CEP135: variants seen among roughly 807,000 people sequenced by gnomAD.
CEP135 encodes centrosomal protein of 135 kDa.
In CEP135, 142 loss-of-function variants were observed where a neutral mutation model predicts 157.3. The ratio of observed to expected loss-of-function variants is 0.90; its 90% CI spans 0.79 to 1.04. The LOEUF (loss-of-function observed/expected upper bound fraction) is 1.04, where lower values mean the gene tolerates loss of function less well. Among genes scored for constraint, CEP135 ranks in the 50% least tolerant of loss-of-function variants. CEP135 has a pLI of 0.00. For synonymous variants in CEP135, 396 were observed against 439.8 expected, an observed-to-expected ratio of 0.90 and a Z score of 1.25; for missense variants, 1,317 against 1,309.2, an observed-to-expected ratio of 1.01 and a Z score of -0.09.
chr4:56,028,329 T>TC (rs987572355), intron 25 of CEP135, among the ~76,000 whole-genome samples: 1 of 152,164 alleles, frequency 6.6e-6, no homozygotes, highest in Non-Finnish European at 1.5e-5. Flanking sequence ...ATTTTATATT[T>TC]CCACCAGCAA....
At chr4:55,968,832 C>T (rs190576866) in intron 8 of CEP135, among the ~76,000 whole-genome samples, 6 of 152,268 alleles carry the variant, frequency 3.9e-5, no homozygotes, top group Admixed American at 3.9e-4. Flanking sequence ...ACAAGATGCT[C>T]AAGTGGCCTT....
chr4:56,020,090 C>A (rs142895982), intron 23 of CEP135, among the ~76,000 whole-genome samples: 2 of 152,018 alleles, frequency 1.3e-5, no homozygotes, highest in African/African-American at 4.8e-5. Flanking sequence ...GTTAGGAAAG[C>A]GCCTACAGTT....
intron 14 of CEP135, among the ~76,000 whole-genome samples, chr4:55,986,095 G>A (rs774514364): frequency 6.6e-6 from 1 of 152,100 alleles, no homozygotes; most frequent in Non-Finnish European, 1.5e-5. Context: ...TTCTTTATTC[G>A]TAAGTAAGAA....
intron 9 of CEP135, 81 bp from the exon 10 acceptor site, chr4:55,971,188 TG>T: frequency 9.4e-7 from 1 of 1,058,910 alleles, no homozygotes; most frequent in Non-Finnish European, 1.3e-6. Context: ...GTTATATAAA[TG>T]TGCTTATAAA....
intron 15 of CEP135, among the ~76,000 whole-genome samples, chr4:55,994,655 A>G (rs1215858050): frequency 6.7e-6 from 1 of 149,988 alleles, no homozygotes; most frequent in Non-Finnish European, 1.5e-5. Flanking sequence ...TTTTATTACC[A>G]ACAAACAGGC....
chr4:55,959,831 T>C, intron 6 of CEP135, 65 bp downstream of exon 6: 1 of 1,262,120 alleles, frequency 7.9e-7, no homozygotes, highest in Non-Finnish European at 1.2e-6. Flanking sequence ...TAAATAGAAT[T>C]GGGTTATATT....
intron 20 of CEP135, 120 bp from the exon 21 acceptor site, chr4:56,011,680 A>G: frequency 1.0e-6 from 1 of 984,384 alleles, no homozygotes; most frequent in Non-Finnish European, 1.5e-6. Flanking sequence ...GTACCTGCAC[A>G]GATATCTAAT....
chr4:56,005,391 C>T (rs570582508), intron 17 of CEP135, among the ~76,000 whole-genome samples: 1 of 152,248 alleles, frequency 6.6e-6, no homozygotes, highest in East Asian at 1.9e-4. Flanking sequence ...TACCATTACA[C>T]TTCAAGTCTG....
chr4:56,001,675 CAGTT>C (rs1231340236), intron 17 of CEP135, among the ~76,000 whole-genome samples: 2 of 152,074 alleles, frequency 1.3e-5, no homozygotes, highest in Non-Finnish European at 2.9e-5. Flanking sequence ...ATTTTGAAGT[CAGTT>C]AGTGCGATCT....
intron 1 of CEP135, among the ~76,000 whole-genome samples, chr4:55,949,369 A>G (rs1000778381): frequency 4.6e-5 from 7 of 152,170 alleles, no homozygotes; most frequent in African/African-American, 1.7e-4. Flanking sequence ...GCTGTTGACC[A>G]ATGGATAGAT....
At chr4:56,013,640 A>G (rs1730669555) in intron 21 of CEP135, among the ~76,000 whole-genome samples, 1 of 152,186 alleles carries the variant, frequency 6.6e-6, no homozygotes, top group Admixed American at 6.5e-5. Context: ...ATAATAAAAA[A>G]TTTGAGTTCA....
rs1730659406 is a variant in CEP135, at chr4:56,013,386, C to T, written c.2802+1401C>T. On this transcript the variant is annotated intron_variant, in intron 21 of 25. Transcript: ENST00000257287. The stretch of plus-strand genomic sequence containing the variant: ...AGAAGTTTTCAATTTAAATGAAGTC[C>T]AATTTTTTTTTTCCTTTGATGCCTA... Among the ~76,000 whole-genome samples, 2 of 151,908 alleles carry T rather than the reference C, an allele frequency of 1.3e-5. 1 individual carries two copies. Among genetic ancestry groups the T allele is most frequent in the South Asian group, 4.2e-4 (2 of 4,814 alleles).
rs747531563 is a variant in CEP135 at position 55,985,326 on chromosome 4, A to G, written c.1825A>G (p.Thr609Ala). The G allele has an allele frequency of 6.3e-7, 1 of 1,595,996 alleles. No homozygotes were observed. The highest frequency in any genetic ancestry group is 1.7e-5 in the Admixed American group (1 of 59,776). The change falls in exon 14 of 26, where the codon ACT becomes GCT. Residue 609 changes from threonine (T) to alanine (A), a missense_variant. Coordinates refer to ENST00000257287, the MANE Select transcript of CEP135 (RefSeq NM_025009.5). ...SLFGKSELEK[T>A]IEHLTCVNHQ... ...TTTTGGAAAATCAGAATTAGAGAAA[A>G]CTATTGAACATTTGACATGTGTTAA...
chr4:56,011,728 G>A (rs1045931042), intron 20 of CEP135, 72 bp from the exon 21 acceptor site: 1 of 1,231,260 alleles, frequency 8.1e-7, no homozygotes. Context: ...GTATGTGTAT[G>A]TGTTTATGAC....
chr4:56,023,866 TATATA>T (rs1731060629), intron 24 of CEP135, among the ~76,000 whole-genome samples: 3 of 139,702 alleles, frequency 2.1e-5, no homozygotes, highest in South Asian at 2.2e-4. Flanking sequence ...ACTTATATAT[TATATA>T]ATATATGATA....
chr4:56,030,064 A>G (rs772790978), intron 25 of CEP135, among the ~76,000 whole-genome samples: 1 of 152,322 alleles, frequency 6.6e-6, no homozygotes, highest in African/African-American at 2.4e-5. Flanking sequence ...TCTAAAAGCA[A>G]TGACACAAAC....
intron 15 of CEP135, among the ~76,000 whole-genome samples, chr4:55,995,842 C>T (rs570128675): frequency 6.6e-6 from 1 of 152,112 alleles, no homozygotes; most frequent in Admixed American, 6.6e-5. Flanking sequence ...CTCACAACTG[C>T]GAGCTATGAG....
intron 2 of CEP135, 49 bp from the exon 3 acceptor site, chr4:55,953,036 A>T: frequency 1.4e-6 from 2 of 1,396,182 alleles, no homozygotes; most frequent in Non-Finnish European, 9.5e-7. Context: ...TTTAGTTATT[A>T]GAAAGTTAAT....
At chr4:55,981,124 T>G (rs576522802) in intron 12 of CEP135, 103 bp from the exon 13 acceptor site, 34 of 988,438 alleles carry the variant, frequency 3.4e-5, no homozygotes, top group Non-Finnish European at 5.0e-5. Flanking sequence ...GACGGTAGCA[T>G]GTGTTCAGTA....
Sources: allele counts gnomAD v4.1 joint callset (sites outside exome capture counted in the v4.1 genomes callset), GRCh38; gene constraint gnomAD v4.1.1; transcripts MANE v1.5; gene names NCBI Gene and HGNC (gene_info 2026-07-23, HGNC 2026-07-21).